UQCC1: variants seen among roughly 807,000 people sequenced by gnomAD.
The protein encoded by UQCC1 is bFGF-repressed Zic-binding protein.
In UQCC1, 38 loss-of-function variants were observed where a neutral mutation model predicts 48.0. The observed-to-expected ratio is 0.79, with a 90% CI of 0.61 to 1.04. The LOEUF is 1.04. Ranked by LOEUF, UQCC1 falls within the 50% of genes least tolerant of loss-of-function variation. UQCC1 has a pLI of 0.00. For missense variants in UQCC1, 368 were observed against 381.8 expected (o/e 0.96, Z 0.30); for synonymous variants, 111 against 129.2 (o/e 0.86, Z 0.95).
chr20:35,333,220 C>T (rs1042579591), intron 7 of UQCC1, among the ~76,000 whole-genome samples: 26 of 152,108 alleles, frequency 1.7e-4, no homozygotes, highest in Admixed American at 9.2e-4. Context: ...CTTGGTTCTC[C>T]TCAGTTGTAA....
chr20:35,391,074 C>A (rs1447014986), intron 2 of UQCC1, among the ~76,000 whole-genome samples: 2 of 151,840 alleles, frequency 1.3e-5, no homozygotes. Context: ...CGGGCACCTG[C>A]AATCCCAGTT....
rs566930851 is a variant in UQCC1, at chr20:35,358,412, G to A, written c.464+8145C>T. 5.6e-3 allele frequency among the ~76,000 whole-genome samples: 591 copies of A among 105,444 alleles called. 7 individuals are homozygous for A. The highest frequency in any genetic ancestry group is 0.021 in the African/African-American group (572 of 27,138). The allele number at this position is 105,444 out of a possible 152,430, so 69.2% of individuals were successfully genotyped here. ...TATCAGTGTGCCAATCTGTATCCAG[G>A]AAACAAAAAAAATGCAAAATAAACT... On this transcript the variant is annotated intron_variant, in intron 6 of 9. Coordinates refer to ENST00000374385, the MANE Select transcript of UQCC1 (RefSeq NM_018244.5).
chr20:35,362,365 T>G (rs2061615613), intron 6 of UQCC1, among the ~76,000 whole-genome samples: 1 of 152,192 alleles, frequency 6.6e-6, no homozygotes, highest in Admixed American at 6.5e-5. Context: ...TTTTATTTTA[T>G]TTTATTTTCC....
In UQCC1 at chr20:35,303,916, G is replaced by C. The variant is rs761857562; in HGVS notation, c.*19C>G. 1.9e-6 allele frequency: 3 copies of C among 1,614,108 alleles called. No homozygotes were observed. Among genetic ancestry groups the C allele is most frequent in the Non-Finnish European group, 2.5e-6 (3 of 1,179,972 alleles). On this transcript the variant is annotated 3_prime_UTR_variant, in exon 10 of 10. Transcript: ENST00000374385. The stretch of plus-strand genomic sequence containing the variant: ...GTTCCTCGAAGCCAGCTGGCGGGCC[G>C]TGCGGAGGGCCCAGCCCATCAAAGT...
At chr20:35,406,575 T>C (rs1232599570) in intron 1 of UQCC1, among the ~76,000 whole-genome samples, 4 of 152,222 alleles carry the variant, frequency 2.6e-5, no homozygotes, top group African/African-American at 7.2e-5. Context: ...TTGTCAGTAG[T>C]AGACTTGCCC....
At chr20:35,343,614 C>T (rs2061403672) in intron 7 of UQCC1, among the ~76,000 whole-genome samples, 2 of 152,172 alleles carry the variant, frequency 1.3e-5, no homozygotes, top group South Asian at 4.1e-4. Flanking sequence ...TAGTAATTCC[C>T]CAACTCTTCC....
intron 4 of UQCC1, 55 bp downstream of exon 4, chr20:35,381,863 G>A (rs2061873625): frequency 3.9e-6 from 4 of 1,021,724 alleles, no homozygotes; most frequent in Non-Finnish European, 6.0e-6. Context: ...AATCTATTAG[G>A]AGCAGAAAGC....
At chr20:35,336,186 G>A (rs1003249154) in intron 7 of UQCC1, among the ~76,000 whole-genome samples, 1 of 152,332 alleles carries the variant, frequency 6.6e-6, no homozygotes, top group African/African-American at 2.4e-5. Flanking sequence ...TAAAAGCACA[G>A]GCTCTAGAGT....
chr20:35,304,212 A>T (rs1225783604), intron 9 of UQCC1, 143 bp from the exon 10 acceptor site: 7 of 1,093,854 alleles, frequency 6.4e-6, no homozygotes, highest in Non-Finnish European at 9.1e-6. Context: ...GTCCCAGACC[A>T]AGCCGTCCCA....
chr20:35,410,649 A>G (rs894062340), intron 1 of UQCC1, among the ~76,000 whole-genome samples: 1 of 137,804 alleles, frequency 7.3e-6, no homozygotes, highest in African/African-American at 2.7e-5. Context: ...AGTTGCAGTG[A>G]GCCCGAGATG....
chr20:35,305,330 AC>A (rs2060916533), intron 9 of UQCC1, among the ~76,000 whole-genome samples: 1 of 152,152 alleles, frequency 6.6e-6, no homozygotes, highest in Non-Finnish European at 1.5e-5. Context: ...ACTGCCTCTC[AC>A]TGGGGCCACA....
intron 7 of UQCC1, chr20:35,346,745 TTC>T: frequency 2.9e-6 from 1 of 344,496 alleles, no homozygotes; most frequent in Non-Finnish European, 5.3e-6. Flanking sequence ...TGAGTTTCAG[TTC>T]CTGAAGACAG....
intron 7 of UQCC1, among the ~76,000 whole-genome samples, chr20:35,341,218 C>CAAAAAAAAAAAAAAAAA (rs61675932): frequency 8.6e-6 from 1 of 115,844 alleles, no homozygotes. Context: ...GAGACTCCGT[C>CAAAAAAAAAAAAAAAAA]AAAAAAAAAA....
rs75128174 is a variant in UQCC1 at position 35,409,473 on chromosome 20, A to G, written c.24+2467T>C. 869 of 139,566 alleles carry G rather than the reference A, an allele frequency of 6.2e-3. 6 individuals are homozygous for G. The highest frequency in any genetic ancestry group is 0.019 in the African/African-American group (739 of 37,898). 8.6% of individuals were successfully genotyped at this position (139,566 alleles called of 1,614,324 possible). The stretch of plus-strand genomic sequence containing the variant: ...CAACAAGAGCAAAACTCCGTCTCAG[A>G]AAAAAAAAAAAAAGTTTAAAAGGTA... On this transcript the variant is annotated intron_variant, in intron 1 of 9. Transcript: ENST00000374385.
intron 7 of UQCC1, chr20:35,344,715 G>A (rs1199490939): frequency 6.6e-6 from 1 of 152,318 alleles, no homozygotes; most frequent in East Asian, 1.9e-4. Flanking sequence ...GAAATATATA[G>A]TTGGTCTTCA....
Position 35,410,931 on chromosome 20 carries a change from C to T in UQCC1, c.24+1009G>A, listed in dbSNP as rs553526966. 2.6e-5 allele frequency among the ~76,000 whole-genome samples: 4 copies of T among 151,784 alleles called. No individual in the cohort carries two copies. In the South Asian group the frequency reaches 6.3e-4, roughly 24 times the overall value. On this transcript the variant is annotated intron_variant, in intron 1 of 9. Transcript: ENST00000374385. ...AAATAAATATTTACTGAACAGCAGT[C>T]GAGGGTACCTCACTCTGCTAGGCTG...
intron 1 of UQCC1, among the ~76,000 whole-genome samples, chr20:35,409,748 T>A (rs887353829): frequency 5.3e-5 from 8 of 152,122 alleles, no homozygotes; most frequent in Admixed American, 1.3e-4. Context: ...GGGAAAATAT[T>A]GGCTGACAAG....
chr20:35,303,580 G>C lies in UQCC1; in HGVS notation c.*355C>G, dbSNP rs905760891. The C allele has an allele frequency of 4.3e-6, 1 of 232,804 alleles. No individual in the cohort carries two copies. Among genetic ancestry groups the C allele is most frequent in the African/African-American group, 2.2e-5 (1 of 45,682 alleles). The allele number at this position is 232,804 out of a possible 1,614,324, so 14.4% of individuals were successfully genotyped here. ...TGCTCCTAGGCCACAGCAGGCCCTG[G>C]GGGGTTTCCCTTTTGAACCTACACC... is the stretch of plus-strand genomic sequence containing the variant. On this transcript the variant is annotated 3_prime_UTR_variant, in exon 10 of 10. Coordinates refer to ENST00000374385, the MANE Select transcript of UQCC1 (RefSeq NM_018244.5).
intron 7 of UQCC1, among the ~76,000 whole-genome samples, chr20:35,325,736 C>G (rs2061185757): frequency 2.0e-5 from 3 of 151,864 alleles, no homozygotes; most frequent in African/African-American, 7.3e-5. Flanking sequence ...AGAGAAGAGG[C>G]AACATTTATT....
Sources: allele counts gnomAD v4.1 joint callset (sites outside exome capture counted in the v4.1 genomes callset), GRCh38; gene constraint gnomAD v4.1.1; transcripts MANE v1.5; gene names NCBI Gene and HGNC (gene_info 2026-07-23, HGNC 2026-07-21).